The following SH3GL3 variants were observed in gnomAD, a reference collection of about 807,000 sequenced individuals.
The protein encoded by SH3GL3 is SH3 domain containing GRB2 like 3, endophilin A3.
Under a neutral mutation model 47.7 loss-of-function variants are expected in SH3GL3, and 33 were observed. The observed-to-expected ratio is 0.69, with a 90% CI of 0.52 to 0.92. The LOEUF (loss-of-function observed/expected upper bound fraction) is 0.92, where lower values mean the gene tolerates loss of function less well. SH3GL3 is among the 40% of genes least tolerant of loss of function. SH3GL3 has a pLI of 0.00. For missense variants in SH3GL3, 363 were observed against 417.8 expected (o/e 0.87, Z 1.14); for synonymous variants, 155 against 148.8 (o/e 1.04, Z -0.30).
intron 6 of SH3GL3, among the ~76,000 whole-genome samples, chr15:83,581,791 A>C (rs915148193): frequency 6.6e-6 from 1 of 152,230 alleles, no homozygotes; most frequent in Non-Finnish European, 1.5e-5. Flanking sequence ...AATGAAGAAG[A>C]GTCTCCTTCG....
At chr15:83,522,409 T>C (rs191359827) in intron 1 of SH3GL3, among the ~76,000 whole-genome samples, 1 of 152,296 alleles carries the variant, frequency 6.6e-6, no homozygotes, top group East Asian at 1.9e-4. Context: ...TTGTTTATAG[T>C]CTCCCTCAAA....
chr15:83,457,439 C>G (rs945768129), intron 1 of SH3GL3, among the ~76,000 whole-genome samples: 1 of 152,204 alleles, frequency 6.6e-6, no homozygotes, highest in African/African-American at 2.4e-5. Flanking sequence ...AACTTTTCCC[C>G]CTTTCTCTTT....
At chr15:83,459,686 T>G (rs1029385320) in intron 1 of SH3GL3, among the ~76,000 whole-genome samples, 1 of 152,222 alleles carries the variant, frequency 6.6e-6, no homozygotes, top group Non-Finnish European at 1.5e-5. Context: ...TCTGCCTAAT[T>G]TCAAATTGAA....
At chr15:83,525,239 TTCCC>T (rs2043364984) in intron 1 of SH3GL3, among the ~76,000 whole-genome samples, 1 of 152,152 alleles carries the variant, frequency 6.6e-6, no homozygotes, top group Non-Finnish European at 1.5e-5. Context: ...TGATTTGCAT[TTCCC>T]TGATGATTAG....
chr15:83,459,690 A>C (rs1268835990), intron 1 of SH3GL3, among the ~76,000 whole-genome samples: 1 of 152,190 alleles, frequency 6.6e-6, no homozygotes, highest in African/African-American at 2.4e-5. Flanking sequence ...CCTAATTTCA[A>C]ATTGAAAGTG....
intron 5 of SH3GL3, among the ~76,000 whole-genome samples, chr15:83,573,784 G>C (rs1290958801): frequency 6.6e-6 from 1 of 152,234 alleles, no homozygotes; most frequent in Non-Finnish European, 1.5e-5. Context: ...TCCATCAACT[G>C]TGTATAGCCT....
At chr15:83,594,952 A>G (rs2060201617) in intron 8 of SH3GL3, among the ~76,000 whole-genome samples, 2 of 152,318 alleles carry the variant, frequency 1.3e-5, no homozygotes, top group Admixed American at 1.3e-4. Context: ...GCAATTTCTC[A>G]GACAACTTAA....
At chr15:83,622,300 A>G (rs1374949806), downstream of SH3GL3, among the ~76,000 whole-genome samples, 1 of 152,100 alleles carries the variant, frequency 6.6e-6, no homozygotes, top group Non-Finnish European at 1.5e-5. Flanking sequence ...GCTTTACTAC[A>G]TCCCACAATG....
intron 2 of SH3GL3, among the ~76,000 whole-genome samples, chr15:83,561,137 A>G (rs1244784455): frequency 6.6e-6 from 1 of 152,310 alleles, no homozygotes; most frequent in South Asian, 2.1e-4. Context: ...AACTTTGATT[A>G]TAAATAAATA....
chr15:83,506,205 G>A (rs978070007), intron 1 of SH3GL3, among the ~76,000 whole-genome samples: 4 of 152,066 alleles, frequency 2.6e-5, no homozygotes, highest in Middle Eastern at 3.2e-3. Context: ...ACATGTGGTG[G>A]TTTTATTTTT....
chr15:83,475,493 TAAATA>T (rs1226700920), intron 1 of SH3GL3, among the ~76,000 whole-genome samples: 1 of 151,866 alleles, frequency 6.6e-6, no homozygotes, highest in Non-Finnish European at 1.5e-5. Context: ...AATAAATCAA[TAAATA>T]AAATAAAATA....
At chr15:83,561,252 T>C (rs2045255955) in intron 2 of SH3GL3, among the ~76,000 whole-genome samples, 2 of 152,110 alleles carry the variant, frequency 1.3e-5, no homozygotes, top group Non-Finnish European at 2.9e-5. Context: ...AAAAACTCGA[T>C]AAATTTCCCA....
At chr15:83,470,017 T>C (rs1419510069) in intron 1 of SH3GL3, among the ~76,000 whole-genome samples, 1 of 152,210 alleles carries the variant, frequency 6.6e-6, no homozygotes, top group African/African-American at 2.4e-5. Flanking sequence ...TTAGGATTGC[T>C]ATGTCTACTT....
intron 1 of SH3GL3, among the ~76,000 whole-genome samples, chr15:83,487,408 C>T (rs955911683): frequency 3.3e-5 from 5 of 151,762 alleles, no homozygotes; most frequent in Admixed American, 2.0e-4. Flanking sequence ...CTCTTTTTTC[C>T]GTCTGTTTAC....
chr15:83,553,922 T>C (rs1237396511), intron 1 of SH3GL3, among the ~76,000 whole-genome samples: 1 of 152,186 alleles, frequency 6.6e-6, no homozygotes, highest in Non-Finnish European at 1.5e-5. Context: ...ATACTTTCCC[T>C]CTTGGTTCGG....
At chr15:83,600,614 C>T (rs889485488) in intron 8 of SH3GL3, among the ~76,000 whole-genome samples, 1 of 152,116 alleles carries the variant, frequency 6.6e-6, no homozygotes, top group African/African-American at 2.4e-5. Flanking sequence ...AGTTTGAAAT[C>T]AGGTAATGTG....
At chr15:83,468,615 G>A (rs148973651) in intron 1 of SH3GL3, among the ~76,000 whole-genome samples, 345 of 152,272 alleles carry the variant, frequency 2.3e-3, no homozygotes, top group African/African-American at 7.9e-3. Context: ...ATATGATCAT[G>A]TAATTTTTCT....
chr15:83,588,711 G>A lies in SH3GL3; in HGVS notation c.778G>A (p.Val260Met). ...CAGACGAGAATACAAGCCAAGGCCT[G>A]TGAAAAGGAGTTCTAGTGAGCTCAA... ...VPRREYKPRP[V>M]KRSSSELNGV... Residue 260 changes from valine (V) to methionine (M), a missense_variant, in exon 8 of 9, where the codon GTG (valine) becomes ATG (methionine). Coordinates refer to ENST00000427482, the MANE Select transcript of SH3GL3 (RefSeq NM_003027.5). The A allele has an allele frequency of 6.2e-7, 1 of 1,613,388 alleles. No homozygotes were observed. Among genetic ancestry groups the A allele is most frequent in the Non-Finnish European group, 8.5e-7 (1 of 1,179,270 alleles).
chr15:83,602,974 G>A (rs2060425361), intron 8 of SH3GL3, among the ~76,000 whole-genome samples: 1 of 152,104 alleles, frequency 6.6e-6, no homozygotes, highest in Admixed American at 6.6e-5. Context: ...GATGTCTTCA[G>A]GCTAGGCTTA....
Sources: allele counts gnomAD v4.1 joint callset (sites outside exome capture counted in the v4.1 genomes callset), GRCh38; gene constraint gnomAD v4.1.1; transcripts MANE v1.5; gene names NCBI Gene and HGNC (gene_info 2026-07-23, HGNC 2026-07-21).